Variants in TSC2 observed in about 807,000 individuals in gnomAD.
TSC2 encodes TSC complex subunit 2, also known as tuberin.
In TSC2, 29 loss-of-function variants were observed where a neutral mutation model predicts 202.2. That is an observed-to-expected ratio of 0.14 (90% CI 0.11 to 0.20). The LOEUF (loss-of-function observed/expected upper bound fraction) is 0.20, where lower values mean the gene tolerates loss of function less well. Among genes scored for constraint, TSC2 ranks in the 10% least tolerant of loss-of-function variants. The pLI, the probability that TSC2 is intolerant of heterozygous loss-of-function variation, is 1.00. For missense variants in TSC2, 2,429 were observed against 2,420.0 expected (o/e 1.00, Z -0.08); for synonymous variants, 1,349 against 1,044.0 (o/e 1.29, Z -5.63).
intron 10 of TSC2, among the ~76,000 whole-genome samples, chr16:2,059,808 C>CT (rs1311635668): frequency 5.3e-5 from 8 of 152,010 alleles, no homozygotes; most frequent in Non-Finnish European, 1.0e-4. Flanking sequence ...TATGAGTCAC[C>CT]GTGCCCGGCC....
intron 3 of TSC2, among the ~76,000 whole-genome samples, chr16:2,052,833 G>A (rs1043317916): frequency 6.6e-6 from 1 of 152,178 alleles, no homozygotes; most frequent in Non-Finnish European, 1.5e-5. Flanking sequence ...GCCACGCAGC[G>A]CTCTTTCTCA....
At chr16:2,083,963 GCACTTT>G in intron 33 of TSC2, 147 bp downstream of exon 33, 2 of 1,412,954 alleles carry the variant, frequency 1.4e-6, no homozygotes, top group Non-Finnish European at 1.9e-6. Flanking sequence ...CAGACGGTCT[GCACTTT>G]GCAGCCATCC....
chr16:2,056,865 G>C, intron 8 of TSC2, 96 bp downstream of exon 8: 1 of 1,579,756 alleles, frequency 6.3e-7, no homozygotes, highest in South Asian at 1.1e-5. Context: ...GATTCTTGGG[G>C]TGGCCAGACA....
At position 2,078,847 on chromosome 16, in the gene TSC2, C is replaced by T. The variant is rs114526593; in HGVS notation, c.2967-185C>T. The T allele has an allele frequency of 1.4e-3, 997 of 729,484 alleles. 10 individuals are homozygous for T. The African/African-American group carries it at 0.015, about 11-fold the overall frequency. The allele number at this position is 729,484 out of a possible 1,614,324, so 45.2% of individuals were successfully genotyped here. On this transcript the variant is annotated intron_variant, in intron 26 of 41. Coordinates refer to ENST00000219476, the MANE Select transcript of TSC2 (RefSeq NM_000548.5). ...TGGTCTTCCCCACCCAGCGTCTCCC[C>T]GTTCTCTGGGACAATGTGGTCCACG... is the stretch of plus-strand genomic sequence containing the variant.
In TSC2 at chr16:2,084,479, G is replaced by C. The variant is rs1403321543; in HGVS notation, c.4257G>C (p.Gln1419His). The C allele has an allele frequency of 2.5e-6, 4 of 1,609,350 alleles. No individual in the cohort carries two copies. Among genetic ancestry groups the C allele is most frequent in the Non-Finnish European group, 2.5e-6 (3 of 1,178,720 alleles). ...GCCCTGAGGTTAAGGCCCGGTCACA[G>C]TCAGGGACCCTGGACGGGGAAAGTG... is the stretch of plus-strand genomic sequence containing the variant. ...RLSPEVKARS[Q>H]SGTLDGESAA... The change falls in exon 34 of 42, where the codon CAG becomes CAC. Residue 1419 changes from glutamine to histidine, a missense_variant. Physicochemically the swap from Gln to His is conservative, Grantham distance 24. Transcript: ENST00000219476.
chr16:2,057,241 T>C, intron 9 of TSC2, 63 bp downstream of exon 9: 1 of 1,539,228 alleles, frequency 6.5e-7, no homozygotes, highest in Non-Finnish European at 8.8e-7. Flanking sequence ...GCAGCTCCAG[T>C]GTCCCTTGCC....
chr16:2,079,011 G>A lies in TSC2; in HGVS notation c.2967-21G>A, dbSNP rs768916265. ...CCGCCCTACCTGGCACCCTGACCCT[G>A]GTCACGGCCTCTCCCTCCAGCAGGA... is the stretch of plus-strand genomic sequence containing the variant. On this transcript the variant is annotated intron_variant, in intron 26 of 41. Transcript: ENST00000219476. The surrounding 1 kb of genome is among the most constrained non-coding windows in gnomAD (Gnocchi z 4.6). The A allele has an allele frequency of 1.2e-6, 2 of 1,611,930 alleles. No homozygotes were observed. Among genetic ancestry groups the A allele is most frequent in the Admixed American group, 1.7e-5 (1 of 60,024 alleles).
intron 5 of TSC2, chr16:2,054,709 G>A: frequency 1.9e-6 from 1 of 535,050 alleles, no homozygotes; most frequent in Non-Finnish European, 3.4e-6. Flanking sequence ...GCAACGGCAG[G>A]AGCTGGGCGA....
intron 21 of TSC2, among the ~76,000 whole-genome samples, 184 bp from the exon 22 acceptor site, chr16:2,074,016 C>G (rs1373014195): frequency 1.3e-5 from 2 of 152,258 alleles, no homozygotes; most frequent in African/African-American, 4.8e-5. Context: ...ATGCAACTGA[C>G]CGGAGCAGTC....
intron 37 of TSC2, 89 bp from the exon 38 acceptor site, chr16:2,086,643 C>T: frequency 1.3e-6 from 2 of 1,583,584 alleles, no homozygotes; most frequent in African/African-American, 1.3e-5. Flanking sequence ...CCCCCAGAGC[C>T]CCTGGAGTAA....
In TSC2 at chr16:2,086,968, G is replaced by A. The variant is rs538647768; in HGVS notation, c.4989+97G>A. 2.8e-3 allele frequency: 4,228 copies of A among 1,519,308 alleles called. 9 individuals are homozygous for A. The highest frequency in any genetic ancestry group is 3.5e-3 in the Non-Finnish European group (3,940 of 1,127,938). The allele number at this position is 1,519,308 out of a possible 1,614,324, so 94.1% of individuals were successfully genotyped here. Reference sequence around the variant, plus strand: ...GTCCTCCTCCCTGAGCTTCGGTCACGAGGAGCAGGAGGAGAGGCCGCAGTG... The same window carrying A: ...GTCCTCCTCCCTGAGCTTCGGTCACAAGGAGCAGGAGGAGAGGCCGCAGTG... On this transcript the variant is annotated intron_variant, in intron 38 of 41. Transcript: ENST00000219476.
rs2151389690 is a variant in TSC2 at position 2,076,186 on chromosome 16, G to A, written c.2742+16G>A. 1 of 1,613,366 alleles carries A rather than the reference G, an allele frequency of 6.2e-7. No homozygotes were observed. The highest frequency in any genetic ancestry group is 1.1e-5 in the South Asian group (1 of 91,034). On this transcript the variant is annotated intron_variant, in intron 24 of 41. Transcript: ENST00000219476. Reference sequence around the variant, plus strand: ...CATCACTAAGGTGGGCTCAGGGCCGGTGAAGGCTGTGTCTCTCGGTAGGCC... The same window carrying A: ...CATCACTAAGGTGGGCTCAGGGCCGATGAAGGCTGTGTCTCTCGGTAGGCC...
At position 2,088,853 on chromosome 16, in the gene TSC2, C is replaced by A; in HGVS notation, c.*243C>A. 1.7e-6 allele frequency: 1 copy of A among 575,248 alleles called. No homozygotes were observed. Among genetic ancestry groups the A allele is most frequent in the South Asian group, 2.0e-5 (1 of 50,016 alleles). 35.6% of individuals were successfully genotyped at this position (575,248 alleles called of 1,614,324 possible). ...CCGAGGGCCTTGAGGCTGCCTGGGC[C>A]ATACAGCACACTCGCGCGTGCGCGC... On this transcript the variant is annotated 3_prime_UTR_variant, in exon 42 of 42. Coordinates refer to ENST00000219476, the MANE Select transcript of TSC2 (RefSeq NM_000548.5).
intron 36 of TSC2, among the ~76,000 whole-genome samples, chr16:2,085,992 G>C (rs1022521286): frequency 1.6e-4 from 24 of 151,906 alleles, no homozygotes; most frequent in African/African-American, 5.8e-4. Context: ...TTGCCGGCCA[G>C]GCACACACGG....
chr16:2,048,344 C>T (rs2084622724), intron 1 of TSC2: 1 of 881,562 alleles, frequency 1.1e-6, no homozygotes, highest in Non-Finnish European at 1.9e-6. Context: ...TGCACTGAGT[C>T]GGGCGGGGCG....
intron 2 of TSC2, among the ~76,000 whole-genome samples, chr16:2,049,682 C>A (rs1023683385): frequency 6.6e-6 from 1 of 151,276 alleles, no homozygotes; most frequent in Non-Finnish European, 1.5e-5. Context: ...AAAAATTAGC[C>A]GGTCATAGTG....
rs929731423 is a variant in TSC2, at chr16:2,079,950, G to A, written c.3398-215G>A. Among the ~76,000 whole-genome samples, 9 of 152,218 alleles carry A rather than the reference G, an allele frequency of 5.9e-5. No individual in the cohort carries two copies. The highest frequency in any genetic ancestry group is 1.9e-4 in the African/African-American group (8 of 41,460). Reference sequence around the variant, plus strand: ...GAGCCCTTCTCTGCTCCAGCGAGCCGTGGTCTGACTGCAGGACAGGTTCTG... The same window carrying A: ...GAGCCCTTCTCTGCTCCAGCGAGCCATGGTCTGACTGCAGGACAGGTTCTG... On this transcript the variant is annotated intron_variant, in intron 29 of 41. Transcript: ENST00000219476. This position sits in a 1 kb window ranked among gnomAD's most constrained non-coding sequence, Gnocchi z 4.6.
rs397515138 is a variant in TSC2, at chr16:2,076,543, G to A, written c.2795G>A (p.Ser932Asn). The change falls in exon 25 of 42, where the codon AGC becomes AAC. Residue 932 changes from serine (S) to asparagine (N), a missense_variant. By Grantham distance (46) the Ser-to-Asn change is conservative. Coordinates refer to ENST00000219476, the MANE Select transcript of TSC2 (RefSeq NM_000548.5). ...LSFDDTPEKD[S>N]FRARSTSLNE... ...TTTGATGACACCCCCGAGAAGGACA[G>A]CTTCAGGGCCCGGAGTACTAGTCTC... 1 of 1,613,576 alleles carries A rather than the reference G, an allele frequency of 6.2e-7. No individual in the cohort carries two copies. The highest frequency in any genetic ancestry group is 1.6e-4 in the Middle Eastern group (1 of 6,062).
intron 38 of TSC2, chr16:2,087,169 GC>G (rs1567125870): frequency 2.1e-6 from 1 of 472,744 alleles, no homozygotes; most frequent in Non-Finnish European, 3.9e-6. Context: ...CGGCCCTTGG[GC>G]CCCCACCATC....
Sources: gnomAD v4.1 joint callset for allele counts (sites outside exome capture counted in the v4.1 genomes callset) on GRCh38, gnomAD v4.1.1 for gene constraint, Gnocchi (gnomAD v3.1) non-coding constraint, MANE v1.5 for transcripts, NCBI Gene and HGNC (gene_info 2026-07-23, HGNC 2026-07-21) for gene names.